Variants in DNAAF4 observed in about 807,000 individuals in gnomAD.
DNAAF4 encodes the protein dynein axonemal assembly factor 4.
Under a neutral mutation model 51.8 loss-of-function variants are expected in DNAAF4, and 43 were observed. That is an observed-to-expected ratio of 0.83 (90% CI 0.65 to 1.07). The LOEUF (loss-of-function observed/expected upper bound fraction) is 1.07. DNAAF4 is among the 50% of genes least tolerant of loss of function. The pLI is 0.00. For synonymous variants in DNAAF4, 194 were observed against 165.6 expected (o/e 1.17, Z -1.32); for missense variants, 581 against 493.0 (o/e 1.18, Z -1.69).
chr15:55,494,512 A>T (rs1567034554), intron 3 of DNAAF4, among the ~76,000 whole-genome samples: 1 of 152,016 alleles, frequency 6.6e-6, no homozygotes, highest in Non-Finnish European at 1.5e-5. Context: ...CCCGGGTTCA[A>T]GCGATTCTCC....
At chr15:55,498,003 G>C in intron 2 of DNAAF4, 144 bp from the exon 3 acceptor site, 1 of 1,309,150 alleles carries the variant, frequency 7.6e-7, no homozygotes. Context: ...AGGCATATGA[G>C]GAAGCCCTGG....
chr15:55,503,330 G>A (rs113044145), intron 1 of DNAAF4, among the ~76,000 whole-genome samples: 5 of 152,198 alleles, frequency 3.3e-5, no homozygotes, highest in African/African-American at 9.6e-5. Flanking sequence ...ATTCAGAGCC[G>A]AATTCTACTG....
chr15:55,473,217 A>ATT (rs1457716233), intron 4 of DNAAF4, among the ~76,000 whole-genome samples: 2 of 117,868 alleles, frequency 1.7e-5, no homozygotes, highest in Non-Finnish European at 3.6e-5. Context: ...ATATATATAT[A>ATT]TATATGTGTG....
At position 55,430,480 on chromosome 15, in the gene DNAAF4, T is replaced by A; in HGVS notation, c.*190A>T. On this transcript the variant is annotated 3_prime_UTR_variant, in exon 10 of 10. Transcript: ENST00000321149. Reference sequence around the variant, plus strand: ...ATAAGGAATTAAAATAGATTCTTATTTAGATTTACTTATTCAGAAATGATT... The same window carrying A: ...ATAAGGAATTAAAATAGATTCTTATATAGATTTACTTATTCAGAAATGATT... 8.9e-7 allele frequency: 1 copy of A among 1,117,664 alleles called. No homozygotes were observed. The allele number at this position is 1,117,664 out of a possible 1,614,324, so 69.2% of individuals were successfully genotyped here. A position where few individuals can be genotyped will look rare whatever the true frequency, so the allele number is the denominator to read the frequency against.
chr15:55,448,796 G>A (rs1459914522), intron 6 of DNAAF4, among the ~76,000 whole-genome samples: 15 of 150,934 alleles, frequency 9.9e-5, no homozygotes, highest in African/African-American at 3.4e-4. Context: ...CATGAACCCA[G>A]GAGGTGGAGC....
chr15:55,418,510 A>G (rs1350339320), intron 7 of DNAAF4: 34 of 1,526,848 alleles, frequency 2.2e-5, no homozygotes, highest in Non-Finnish European at 2.7e-5. Flanking sequence ...ATAACACTCT[A>G]AATACTGCAC....
chr15:55,489,189 C>A (rs1355460336), intron 4 of DNAAF4, among the ~76,000 whole-genome samples: 2 of 151,906 alleles, frequency 1.3e-5, no homozygotes, highest in Non-Finnish European at 2.9e-5. Flanking sequence ...AGTAAGTGTG[C>A]CATTATTTAA....
At chr15:55,433,953 TAA>T (rs1408105927) in intron 8 of DNAAF4, among the ~76,000 whole-genome samples, 1 of 50,800 alleles carries the variant, frequency 2.0e-5, no homozygotes, top group South Asian at 4.3e-4. Context: ...ATAATATATA[TAA>T]TATATATAAT....
chr15:55,443,366 G>T, intron 6 of DNAAF4: 1 of 710,246 alleles, frequency 1.4e-6, no homozygotes. Context: ...ATGGCTCAGG[G>T]CCGTGCAGGC....
At chr15:55,501,985 T>C (rs943993554) in intron 1 of DNAAF4, among the ~76,000 whole-genome samples, 5 of 151,628 alleles carry the variant, frequency 3.3e-5, no homozygotes, top group African/African-American at 4.8e-5. Context: ...GGAAGTTGCA[T>C]TGAGCCGAGA....
At chr15:55,491,910 G>A (rs1045922260) in intron 3 of DNAAF4, among the ~76,000 whole-genome samples, 3 of 150,654 alleles carry the variant, frequency 2.0e-5, no homozygotes, top group Non-Finnish European at 4.4e-5. Flanking sequence ...CTGCTGGAGT[G>A]CAGTTAAGCA....
At chr15:55,480,383 G>C (rs1219441027) in intron 4 of DNAAF4, among the ~76,000 whole-genome samples, 1 of 152,090 alleles carries the variant, frequency 6.6e-6, no homozygotes, top group Non-Finnish European at 1.5e-5. Context: ...CACTGTAGCA[G>C]GGACCTTAAC....
chr15:55,420,274 A>G (rs990650765), intron 7 of DNAAF4, among the ~76,000 whole-genome samples: 1 of 152,200 alleles, frequency 6.6e-6, no homozygotes, highest in African/African-American at 2.4e-5. Context: ...TTAATTTTAT[A>G]TATCTTCAAC....
chr15:55,484,785 GGGC>G (rs1426315270), intron 4 of DNAAF4, among the ~76,000 whole-genome samples: 1 of 152,132 alleles, frequency 6.6e-6, no homozygotes, highest in East Asian at 1.9e-4. Context: ...CCATGTTCGA[GGGC>G]AGGAAACACC....
chr15:55,448,887 ATTATT>A (rs2057885787), intron 6 of DNAAF4, among the ~76,000 whole-genome samples: 1 of 151,118 alleles, frequency 6.6e-6, no homozygotes, highest in African/African-American at 2.4e-5. Flanking sequence ...AATAATAATT[ATTATT>A]ATTATTATAA....
intron 7 of DNAAF4, among the ~76,000 whole-genome samples, chr15:55,423,827 A>C (rs984150902): frequency 3.3e-5 from 5 of 152,080 alleles, no homozygotes; most frequent in African/African-American, 1.2e-4. Flanking sequence ...AGTGTCTCAC[A>C]CCTGTAATCC....
chr15:55,435,592 G>A lies in DNAAF4; in HGVS notation c.894-534C>T, dbSNP rs143319303. ...TGATACAGTTAAGCTGCTGGATCAA[G>A]CTTTACTTGAAATAGAAAACACCTT... On this transcript the variant is annotated intron_variant, in intron 7 of 9. Coordinates refer to ENST00000321149, the MANE Select transcript of DNAAF4 (RefSeq NM_130810.4). Among the ~76,000 whole-genome samples the A allele has an allele frequency of 1.5e-3, 231 of 152,276 alleles. 2 individuals are homozygous for A. The highest frequency in any genetic ancestry group is 5.4e-3 in the African/African-American group (224 of 41,568).
chr15:55,466,289 T>C (rs1595923769), intron 5 of DNAAF4, among the ~76,000 whole-genome samples: 1 of 152,150 alleles, frequency 6.6e-6, no homozygotes, highest in South Asian at 2.1e-4. Context: ...TAGCTGGACA[T>C]TGAGGCACAT....
rs547915940 is a variant in DNAAF4 at position 55,494,747 on chromosome 15, T to G, written c.271+2965A>C. ...TTAAGACTGTTTTGATTTGTCTAAA[T>G]CAGAGGTTGGCAAACTATGACCCAT... On this transcript the variant is annotated intron_variant, in intron 3 of 9. Coordinates refer to ENST00000321149, the MANE Select transcript of DNAAF4 (RefSeq NM_130810.4). Among the ~76,000 whole-genome samples the G allele has an allele frequency of 3.9e-5, 6 of 152,250 alleles. No individual in the cohort carries two copies. In the East Asian group the frequency reaches 7.7e-4, roughly 20 times the overall value.
Sources: allele counts gnomAD v4.1 joint callset (sites outside exome capture counted in the v4.1 genomes callset), GRCh38; gene constraint gnomAD v4.1.1; transcripts MANE v1.5; gene names NCBI Gene and HGNC (gene_info 2026-07-23, HGNC 2026-07-21).